Variants in FBXL4 observed in about 807,000 individuals in gnomAD.
FBXL4 encodes F-box and leucine rich repeat protein 4.
A neutral mutation model predicts 58.9 loss-of-function variants in FBXL4; 40 were observed. The ratio of observed to expected loss-of-function variants is 0.68; its 90% CI spans 0.53 to 0.88. The LOEUF is 0.88. Ranked by LOEUF, FBXL4 falls within the 40% of genes least tolerant of loss-of-function variation. FBXL4 has a pLI of 0.00. For missense variants in FBXL4, 676 were observed against 734.4 expected (o/e 0.92, Z 0.92); for synonymous variants, 263 against 265.5 (o/e 0.99, Z 0.09).
At chr6:98,904,758 G>A (rs1404324550) in intron 6 of FBXL4, among the ~76,000 whole-genome samples, 1 of 152,106 alleles carries the variant, frequency 6.6e-6, no homozygotes, top group African/African-American at 2.4e-5. Flanking sequence ...CCATGATCAA[G>A]GTTAGGAGAA....
chr6:98,892,176 C>T (rs888572886), intron 7 of FBXL4, among the ~76,000 whole-genome samples: 2 of 152,100 alleles, frequency 1.3e-5, no homozygotes, highest in Non-Finnish European at 2.9e-5. Context: ...ACTATTGATT[C>T]TTGATTGTGT....
At chr6:98,937,303 A>C (rs368260329) in intron 1 of FBXL4, among the ~76,000 whole-genome samples, 2 of 152,054 alleles carry the variant, frequency 1.3e-5, no homozygotes, top group African/African-American at 4.8e-5. Context: ...TCGTCTCAAA[A>C]AAAAAAAAAA....
chr6:98,943,212 C>T (rs1279377749), intron 1 of FBXL4, among the ~76,000 whole-genome samples: 2 of 151,608 alleles, frequency 1.3e-5, no homozygotes, highest in Non-Finnish European at 2.9e-5. Flanking sequence ...TTATTTCTTA[C>T]AACTGTATAT....
At chr6:98,928,846 T>C (rs1291195088) in intron 2 of FBXL4, among the ~76,000 whole-genome samples, 1 of 152,206 alleles carries the variant, frequency 6.6e-6, no homozygotes, top group Non-Finnish European at 1.5e-5. Flanking sequence ...CCAATCAAGT[T>C]CTAACCACTC....
chr6:98,897,356 CTAA>C, intron 7 of FBXL4: 1 of 984,554 alleles, frequency 1.0e-6, no homozygotes, highest in Non-Finnish European at 1.2e-6. Flanking sequence ...AAAACACAGG[CTAA>C]TATCATCTGG....
intron 8 of FBXL4, among the ~76,000 whole-genome samples, chr6:98,877,724 G>A (rs889515182): frequency 3.3e-5 from 5 of 152,164 alleles, no homozygotes; most frequent in African/African-American, 1.2e-4. Flanking sequence ...ACCTAACCAG[G>A]ATCACATAAT....
intron 2 of FBXL4, among the ~76,000 whole-genome samples, chr6:98,930,628 A>T (rs1772977160): frequency 6.6e-6 from 1 of 152,284 alleles, no homozygotes; most frequent in South Asian, 2.1e-4. Flanking sequence ...CAAATTAAAA[A>T]ATATATATAT....
In FBXL4 at chr6:98,902,829, T is replaced by C. The variant is rs141955736; in HGVS notation, c.1103+2597A>G. On this transcript the variant is annotated intron_variant, in intron 6 of 9. Transcript: ENST00000369244. ...TAGAAAAGTGGAATTATAATAGATG[T>C]GATTTTAATGAGTAATGATATGCAT... is the stretch of plus-strand genomic sequence containing the variant. Among the ~76,000 whole-genome samples, 801 of 152,252 alleles carry C rather than the reference T, an allele frequency of 5.3e-3. 7 individuals are homozygous for C. The highest frequency in any genetic ancestry group is 4.4e-3 in the Non-Finnish European group (296 of 68,000).
chr6:98,910,395 C>T (rs1050498484), intron 5 of FBXL4, among the ~76,000 whole-genome samples: 1 of 152,050 alleles, frequency 6.6e-6, no homozygotes, highest in Admixed American at 6.5e-5. Flanking sequence ...GGCTCACGCC[C>T]ATAATCCCAG....
chr6:98,926,495 T>G lies in FBXL4; in HGVS notation c.494A>C (p.Asn165Thr). The change falls in exon 4 of 10, where the codon AAT becomes ACT. Residue 165 changes from asparagine (N) to threonine (T), a missense_variant. Physicochemically the swap from Asn to Thr is moderately conservative, Grantham distance 65. Transcript: ENST00000369244. ...LACSANPYSPNPPAEVRWEIL... is the reference protein window; with the variant it reads ...LACSANPYSPTPPAEVRWEIL... ...GTCTTACCTTACTTCAGCTGGTGGA[T>G]TTGGGGAATAAGGATTTGCAGAACA... is the stretch of plus-strand genomic sequence containing the variant. 1 of 1,607,412 alleles carries G rather than the reference T, an allele frequency of 6.2e-7. No homozygotes were observed. The highest frequency in any genetic ancestry group is 8.5e-7 in the Non-Finnish European group (1 of 1,175,196).
At chr6:98,897,944 G>C (rs1241398048) in intron 7 of FBXL4, among the ~76,000 whole-genome samples, 2 of 152,110 alleles carry the variant, frequency 1.3e-5, no homozygotes, top group African/African-American at 4.8e-5. Flanking sequence ...TACTATTCTA[G>C]ATTCTGGAAA....
intron 1 of FBXL4, among the ~76,000 whole-genome samples, chr6:98,939,843 C>T (rs1400891439): frequency 6.6e-6 from 1 of 152,176 alleles, no homozygotes; most frequent in Non-Finnish European, 1.5e-5. Flanking sequence ...CTGTAATACA[C>T]AATTTACTAG....
chr6:98,888,173 C>A (rs1771103275), intron 7 of FBXL4, among the ~76,000 whole-genome samples: 1 of 152,188 alleles, frequency 6.6e-6, no homozygotes. Context: ...CAGGAGTTGG[C>A]AAACTACTGT....
intron 7 of FBXL4, among the ~76,000 whole-genome samples, chr6:98,885,366 C>G (rs1771001468): frequency 6.6e-6 from 1 of 152,156 alleles, no homozygotes; most frequent in Admixed American, 6.6e-5. Flanking sequence ...TCCTAAAGTG[C>G]TGAAATTACA....
At chr6:98,900,347 G>A (rs755051732) in intron 6 of FBXL4, among the ~76,000 whole-genome samples, 3 of 152,160 alleles carry the variant, frequency 2.0e-5, no homozygotes, top group Non-Finnish European at 4.4e-5. Context: ...TGTCACATCA[G>A]TAATATACTG....
intron 7 of FBXL4, among the ~76,000 whole-genome samples, chr6:98,887,809 T>A (rs1243951844): frequency 6.6e-6 from 1 of 151,912 alleles, no homozygotes; most frequent in Non-Finnish European, 1.5e-5. Flanking sequence ...TAACAAGAGG[T>A]CAAATAGAAA....
chr6:98,933,077 T>C (rs771577786), intron 2 of FBXL4, among the ~76,000 whole-genome samples: 2 of 152,208 alleles, frequency 1.3e-5, no homozygotes, highest in African/African-American at 4.8e-5. Flanking sequence ...GGAAGGACTT[T>C]TCTGGTTGAA....
intron 7 of FBXL4, among the ~76,000 whole-genome samples, chr6:98,883,577 A>C (rs1391730675): frequency 6.6e-6 from 1 of 151,786 alleles, no homozygotes; most frequent in Non-Finnish European, 1.5e-5. Context: ...TTAGGTTTTT[A>C]ACCCAACTAC....
chr6:98,876,173 G>T (rs750348765), intron 8 of FBXL4, among the ~76,000 whole-genome samples: 1 of 152,108 alleles, frequency 6.6e-6, no homozygotes, highest in Non-Finnish European at 1.5e-5. Context: ...ACACTATGTG[G>T]AAATGCTGAT....
Sources: allele counts gnomAD v4.1 joint callset (sites outside exome capture counted in the v4.1 genomes callset), GRCh38; gene constraint gnomAD v4.1.1; transcripts MANE v1.5; gene names NCBI Gene and HGNC (gene_info 2026-07-23, HGNC 2026-07-21).